The following STK32B variants were observed in gnomAD, a reference collection of about 807,000 sequenced individuals.
The protein encoded by STK32B is serine/threonine-protein kinase 32B.
In STK32B, 43 loss-of-function variants were observed where a neutral mutation model predicts 52.6. The observed-to-expected ratio is 0.82, with a 90% confidence interval of 0.64 to 1.05. The LOEUF (loss-of-function observed/expected upper bound fraction) is 1.05. Ranked by LOEUF, STK32B falls within the 50% of genes least tolerant of loss-of-function variation. The pLI, the probability that STK32B is intolerant of heterozygous loss-of-function variation, is 0.00. For synonymous variants in STK32B, 238 were observed against 204.3 expected, an observed-to-expected ratio of 1.17 and a Z score of -1.41; for missense variants, 621 against 534.6, an observed-to-expected ratio of 1.16 and a Z score of -1.59.
intron 4 of STK32B, among the ~76,000 whole-genome samples, chr4:5,375,161 C>T (rs138103354): frequency 2.0e-5 from 3 of 152,270 alleles, no homozygotes; most frequent in African/African-American, 4.8e-5. Context: ...CACACCCTTC[C>T]GTGATCTTGC....
At chr4:5,144,613 C>T (rs1005706639) in intron 2 of STK32B, among the ~76,000 whole-genome samples, 3 of 152,184 alleles carry the variant, frequency 2.0e-5, no homozygotes, top group African/African-American at 7.2e-5. Flanking sequence ...TGGCAAGACT[C>T]ATGATCTTGC....
At position 5,441,969 on chromosome 4, in the gene STK32B, T is replaced by G. The variant is rs199719442; in HGVS notation, c.563-4704T>G. 4.3e-3 allele frequency among the ~76,000 whole-genome samples: 537 copies of G among 124,896 alleles called. 22 individuals are homozygous for G. In the East Asian group the frequency reaches 0.11, roughly 26 times the overall value. The allele number at this position is 124,896 out of a possible 152,430, so 81.9% of individuals were successfully genotyped here. A position where few individuals can be genotyped will look rare whatever the true frequency, so the allele number is the denominator to read the frequency against. On this transcript the variant is annotated intron_variant, in intron 6 of 11. Coordinates refer to ENST00000282908, the MANE Select transcript of STK32B (RefSeq NM_018401.3). ...TTTGATTGCACTGTGGTCTGAGAGA[T>G]AGTTTGTTATAATTTCTGTTCTTTT...
intron 2 of STK32B, among the ~76,000 whole-genome samples, chr4:5,141,117 G>T (rs1716411650): frequency 6.6e-6 from 1 of 152,162 alleles, no homozygotes; most frequent in Non-Finnish European, 1.5e-5. Context: ...AAGTAAAATG[G>T]TAACAATTCA....
At chr4:5,202,648 A>T (rs1722246241) in intron 3 of STK32B, among the ~76,000 whole-genome samples, 1 of 152,222 alleles carries the variant, frequency 6.6e-6, no homozygotes. Flanking sequence ...TGAAATCTAG[A>T]GAGAGGTTCC....
intron 3 of STK32B, among the ~76,000 whole-genome samples, chr4:5,327,507 G>C (rs1489701348): frequency 6.6e-6 from 1 of 151,758 alleles, no homozygotes; most frequent in Non-Finnish European, 1.5e-5. Context: ...CATTAATCTT[G>C]TACATCTCCA....
intron 3 of STK32B, among the ~76,000 whole-genome samples, chr4:5,321,601 G>T (rs1731495731): frequency 6.6e-6 from 1 of 152,108 alleles, no homozygotes; most frequent in South Asian, 2.1e-4. Context: ...TCCTCTATCA[G>T]TCTTACCTGT....
chr4:5,309,992 C>T (rs1352139594), intron 3 of STK32B, among the ~76,000 whole-genome samples: 1 of 152,064 alleles, frequency 6.6e-6, no homozygotes, highest in African/African-American at 2.4e-5. Flanking sequence ...ATGGTGAAAC[C>T]TCATCTCTAC....
At chr4:5,131,845 G>A (rs1312967481) in intron 1 of STK32B, among the ~76,000 whole-genome samples, 1 of 152,222 alleles carries the variant, frequency 6.6e-6, no homozygotes, top group Non-Finnish European at 1.5e-5. Context: ...CTTACCTGAT[G>A]TAGAAGGAAG....
At chr4:5,093,489 A>G (rs945332875) in intron 1 of STK32B, among the ~76,000 whole-genome samples, 2 of 151,624 alleles carry the variant, frequency 1.3e-5, no homozygotes, top group African/African-American at 4.9e-5. Flanking sequence ...GCATGTTCTC[A>G]CTCATAGGTG....
intron 3 of STK32B, among the ~76,000 whole-genome samples, chr4:5,185,768 C>T (rs149821785): frequency 2.2e-3 from 342 of 152,336 alleles, no homozygotes; most frequent in Non-Finnish European, 3.7e-3. Context: ...TAAGTCTGTG[C>T]CTACCACGCC....
intron 6 of STK32B, among the ~76,000 whole-genome samples, chr4:5,441,142 C>T (rs1714703014): frequency 6.7e-6 from 1 of 148,918 alleles, no homozygotes; most frequent in African/African-American, 2.5e-5. Flanking sequence ...GGAGGATTCC[C>T]TCTTTTTCTA....
intron 4 of STK32B, among the ~76,000 whole-genome samples, chr4:5,393,248 C>T (rs1005868467): frequency 6.6e-6 from 1 of 152,134 alleles, no homozygotes; most frequent in Admixed American, 6.5e-5. Context: ...TGTCTTTGCC[C>T]CACTCTGTTA....
intron 1 of STK32B, among the ~76,000 whole-genome samples, chr4:5,070,556 A>G (rs1017644741): frequency 1.3e-5 from 2 of 152,192 alleles, no homozygotes; most frequent in African/African-American, 4.8e-5. Context: ...AACTCTGATT[A>G]CTTTGGAAAT....
intron 4 of STK32B, among the ~76,000 whole-genome samples, chr4:5,392,869 C>T (rs1736670811): frequency 6.6e-6 from 1 of 152,226 alleles, no homozygotes; most frequent in Non-Finnish European, 1.5e-5. Context: ...GCTGTTAATA[C>T]TGTCAGGACT....
At chr4:5,037,827 C>T in the STK32B span, among the ~76,000 whole-genome samples, 1 of 152,170 alleles carries the variant, frequency 6.6e-6, no homozygotes, top group East Asian at 1.9e-4. Context: ...CTGTTTTCTT[C>T]ATTGGGCTGT....
At chr4:5,028,455 A>C in the STK32B span, among the ~76,000 whole-genome samples, 38 of 152,348 alleles carry the variant, frequency 2.5e-4, no homozygotes, top group African/African-American at 8.7e-4. Flanking sequence ...AACATAGGTT[A>C]TTTTATACAA....
chr4:5,478,240 G>GA (rs1415304578), intron 11 of STK32B, among the ~76,000 whole-genome samples: 5 of 152,182 alleles, frequency 3.3e-5, no homozygotes, highest in African/African-American at 7.2e-5. Flanking sequence ...AACAAATAGG[G>GA]AAAATCAATC....
chr4:5,039,775 G>C, the STK32B span, among the ~76,000 whole-genome samples: 4 of 152,212 alleles, frequency 2.6e-5, no homozygotes, highest in Admixed American at 2.0e-4. Context: ...ACGAAGTCAT[G>C]ATGGCTGCCA....
the STK32B span, among the ~76,000 whole-genome samples, chr4:5,029,359 T>A: frequency 6.6e-6 from 1 of 152,124 alleles, no homozygotes; most frequent in Non-Finnish European, 1.5e-5. Context: ...TTTAAAACAG[T>A]AAGTGTTGCA....
Sources: gnomAD v4.1 joint callset for allele counts (sites outside exome capture counted in the v4.1 genomes callset) on GRCh38, gnomAD v4.1.1 for gene constraint, MANE v1.5 for transcripts, NCBI Gene and HGNC (gene_info 2026-07-23, HGNC 2026-07-21) for gene names.